The following MDGA2 variants were observed in gnomAD, a reference collection of about 807,000 sequenced individuals.
MDGA2 encodes MAM domain containing glycosylphosphatidylinositol anchor 2.
A neutral mutation model predicts 117.8 loss-of-function variants in MDGA2; 40 were observed. That is an observed-to-expected ratio of 0.34 (90% CI 0.26 to 0.44). The LOEUF is 0.44. MDGA2 is among the 20% of genes least tolerant of loss of function. MDGA2 has a pLI of 1.00. For missense variants in MDGA2, 1,123 were observed against 1,250.6 expected, an observed-to-expected ratio of 0.90 and a Z score of 1.54; for synonymous variants, 452 against 439.0, an observed-to-expected ratio of 1.03 and a Z score of -0.37.
At chr14:47,609,464 T>TATATATATATATATATATATATA (rs1385750946) in intron 1 of MDGA2, among the ~76,000 whole-genome samples, 1 of 119,136 alleles carries the variant, frequency 8.4e-6, no homozygotes, top group African/African-American at 3.1e-5. Flanking sequence ...TATATATATA[T>TATATATATATATATATATATATA]AAGTTTCTTT....
intron 1 of MDGA2, among the ~76,000 whole-genome samples, chr14:47,420,402 T>C (rs980643969): frequency 9.9e-5 from 15 of 152,142 alleles, no homozygotes; most frequent in African/African-American, 3.6e-4. Context: ...GTAATTCCAA[T>C]AAATTCTTTA....
chr14:47,356,845 C>T lies in MDGA2; in HGVS notation c.281-55295G>A, dbSNP rs143253304. The stretch of plus-strand genomic sequence containing the variant: ...AACACCACCCATTGGTGTGCCCTCA[C>T]AGACAGCTATGGGGACTCGATAGAC... On this transcript the variant is annotated intron_variant, in intron 1 of 16. Transcript: ENST00000399232. 5.9e-5 allele frequency among the ~76,000 whole-genome samples: 9 copies of T among 152,320 alleles called. No homozygotes were observed. In the East Asian group the frequency reaches 1.7e-3, roughly 29 times the overall value.
intron 1 of MDGA2, among the ~76,000 whole-genome samples, chr14:47,464,419 T>C (rs1178897817): frequency 6.6e-6 from 1 of 152,090 alleles, no homozygotes; most frequent in Non-Finnish European, 1.5e-5. Context: ...CAAATGACAT[T>C]ATTCTGTATC....
intron 1 of MDGA2, among the ~76,000 whole-genome samples, chr14:47,556,134 T>G (rs1280475559): frequency 5.3e-5 from 8 of 152,148 alleles, no homozygotes; most frequent in Non-Finnish European, 1.2e-4. Context: ...TTCACTCAAA[T>G]TTCCCAGCAT....
At chr14:47,116,285 C>T (rs1337127976) in intron 5 of MDGA2, among the ~76,000 whole-genome samples, 1 of 152,024 alleles carries the variant, frequency 6.6e-6, no homozygotes. Flanking sequence ...AATGAAAAGA[C>T]ATCACATTTT....
chr14:47,399,182 GTCA>G (rs1325347254), intron 1 of MDGA2, among the ~76,000 whole-genome samples: 1 of 152,094 alleles, frequency 6.6e-6, no homozygotes, highest in Admixed American at 6.5e-5. Flanking sequence ...GAAGAGAAAT[GTCA>G]AAGATAAGAC....
chr14:47,038,703 C>A (rs549181555), intron 7 of MDGA2, among the ~76,000 whole-genome samples: 1 of 151,604 alleles, frequency 6.6e-6, no homozygotes, highest in Non-Finnish European at 1.5e-5. Flanking sequence ...TTTGGGCGGC[C>A]GAGGAGGGCA....
Position 46,841,181 on chromosome 14 carries a change from T to C in MDGA2, c.*750A>G, listed in dbSNP as rs969583384. The C allele has an allele frequency of 6.6e-6, 1 of 152,542 alleles. No individual in the cohort carries two copies. Among genetic ancestry groups the C allele is most frequent in the African/African-American group, 2.4e-5 (1 of 41,424 alleles). The allele number at this position is 152,542 out of a possible 1,614,324, so 9.4% of individuals were successfully genotyped here. A position where few individuals can be genotyped will look rare whatever the true frequency, so the allele number is the denominator to read the frequency against. ...CTTCATTGGAACAGATGACGTAGTTTGGGTGTTCAAGTGGCCGCAAGCAAA... is the reference window on the plus strand; with the variant it reads ...CTTCATTGGAACAGATGACGTAGTTCGGGTGTTCAAGTGGCCGCAAGCAAA... On this transcript the variant is annotated 3_prime_UTR_variant, in exon 17 of 17. Coordinates refer to ENST00000399232, the MANE Select transcript of MDGA2 (RefSeq NM_001113498.3).
chr14:47,161,671 T>C (rs1883638720), intron 3 of MDGA2, among the ~76,000 whole-genome samples: 1 of 151,720 alleles, frequency 6.6e-6, no homozygotes, highest in Non-Finnish European at 1.5e-5. Context: ...AGCAAAAATT[T>C]TAGATGCCCT....
chr14:47,566,047 TAC>T (rs1172401921), intron 1 of MDGA2, among the ~76,000 whole-genome samples: 1 of 152,174 alleles, frequency 6.6e-6, no homozygotes, highest in Non-Finnish European at 1.5e-5. Flanking sequence ...TGGGTGCACA[TAC>T]ATCCACATGC....
intron 1 of MDGA2, among the ~76,000 whole-genome samples, chr14:47,373,569 A>T (rs1001607647): frequency 6.6e-6 from 1 of 152,084 alleles, no homozygotes; most frequent in Non-Finnish European, 1.5e-5. Flanking sequence ...ACCACATAGT[A>T]TATGGTTACG....
At chr14:47,282,175 C>A (rs573941251) in intron 2 of MDGA2, among the ~76,000 whole-genome samples, 3 of 152,004 alleles carry the variant, frequency 2.0e-5, no homozygotes, top group African/African-American at 7.2e-5. Flanking sequence ...CGAATATATG[C>A]ATAAGCATTC....
chr14:46,953,875 GC>G (rs1000329197), intron 9 of MDGA2, among the ~76,000 whole-genome samples: 1 of 152,024 alleles, frequency 6.6e-6, no homozygotes, highest in African/African-American at 2.4e-5. Context: ...GCTGCAGATT[GC>G]CTGTATCTTC....
At chr14:47,418,591 T>G (rs950963660) in intron 1 of MDGA2, among the ~76,000 whole-genome samples, 1 of 152,130 alleles carries the variant, frequency 6.6e-6, no homozygotes, top group Non-Finnish European at 1.5e-5. Context: ...CATGACCAAA[T>G]CACCTTACAG....
At chr14:47,205,068 A>T (rs557723759) in intron 3 of MDGA2, among the ~76,000 whole-genome samples, 68 of 152,060 alleles carry the variant, frequency 4.5e-4, no homozygotes, top group Middle Eastern at 3.4e-3. Flanking sequence ...ACAGATACAT[A>T]ACATACATAT....
intron 1 of MDGA2, among the ~76,000 whole-genome samples, chr14:47,477,055 G>C (rs749768631): frequency 4.6e-5 from 7 of 152,182 alleles, no homozygotes; most frequent in Non-Finnish European, 1.0e-4. Flanking sequence ...CCAGCTACTG[G>C]GGAGGTTGAG....
chr14:47,261,484 C>T (rs1205279307), intron 2 of MDGA2, among the ~76,000 whole-genome samples: 3 of 152,050 alleles, frequency 2.0e-5, no homozygotes, highest in Non-Finnish European at 2.9e-5. Flanking sequence ...CTGCTAAAAG[C>T]AGCAAAGAAT....
At chr14:47,221,655 T>A (rs1886305456) in intron 2 of MDGA2, among the ~76,000 whole-genome samples, 1 of 135,246 alleles carries the variant, frequency 7.4e-6, no homozygotes, top group African/African-American at 2.9e-5. Context: ...ACCACTGCAC[T>A]CCAGGCGGGG....
intron 15 of MDGA2, among the ~76,000 whole-genome samples, chr14:46,851,778 A>G (rs1881064955): frequency 6.6e-6 from 1 of 151,822 alleles, no homozygotes; most frequent in Admixed American, 6.6e-5. Flanking sequence ...GTAATATTAA[A>G]ACCTCTCAAA....
Sources: allele counts gnomAD v4.1 joint callset (sites outside exome capture counted in the v4.1 genomes callset), GRCh38; gene constraint gnomAD v4.1.1; transcripts MANE v1.5; gene names NCBI Gene and HGNC (gene_info 2026-07-23, HGNC 2026-07-21).